The following FBXL17 variants were observed in gnomAD, a reference collection of about 807,000 sequenced individuals.
FBXL17 encodes F-box and leucine rich repeat protein 17.
In FBXL17, 22 loss-of-function variants were observed where a neutral mutation model predicts 66.2. That is an observed-to-expected ratio of 0.33 (90% CI 0.24 to 0.47). The LOEUF (loss-of-function observed/expected upper bound fraction) is 0.47, where lower values mean the gene tolerates loss of function less well. FBXL17 is among the 20% of genes least tolerant of loss of function. The pLI is 1.00. For synonymous variants in FBXL17, 474 were observed against 400.5 expected, an observed-to-expected ratio of 1.18 and a Z score of -2.19; for missense variants, 878 against 948.2, an observed-to-expected ratio of 0.93 and a Z score of 0.97.
rs1038323604 is a variant in FBXL17, at chr5:108,145,905, C to T, written c.1745+40212G>A. On this transcript the variant is annotated intron_variant, in intron 6 of 8. Coordinates refer to ENST00000542267, the MANE Select transcript of FBXL17 (RefSeq NM_001163315.3). The stretch of plus-strand genomic sequence containing the variant: ...GACACTGAGAGAGAAATGCACAAGA[C>T]GGCAGTGATCATAAGATATTAAGAC... 2.6e-5 allele frequency among the ~76,000 whole-genome samples: 4 copies of T among 151,548 alleles called. No individual in the cohort carries two copies. In the South Asian group the frequency reaches 6.2e-4, roughly 24 times the overall value.
At chr5:108,159,185 T>C (rs1752113047) in intron 6 of FBXL17, among the ~76,000 whole-genome samples, 1 of 152,214 alleles carries the variant, frequency 6.6e-6, no homozygotes, top group South Asian at 2.1e-4. Context: ...AAGATGTAGG[T>C]ATTTTCTCAT....
rs568480689 is a variant in FBXL17, at chr5:107,874,338, T to C, written c.1965+6699A>G. ...ACCAGATACAAGATTCCAGAGCAGGTATGTATATGTGAATAAATATAATGA... is the reference window on the plus strand; with the variant it reads ...ACCAGATACAAGATTCCAGAGCAGGCATGTATATGTGAATAAATATAATGA... On this transcript the variant is annotated intron_variant, in intron 8 of 8. Coordinates refer to ENST00000542267, the MANE Select transcript of FBXL17 (RefSeq NM_001163315.3). 5.6e-4 allele frequency among the ~76,000 whole-genome samples: 86 copies of C among 152,312 alleles called. 2 individuals are homozygous for C. Among genetic ancestry groups the C allele is most frequent in the African/African-American group, 1.7e-3 (72 of 41,556 alleles).
chr5:107,942,461 A>G (rs1225720918), intron 7 of FBXL17, among the ~76,000 whole-genome samples: 1 of 152,170 alleles, frequency 6.6e-6, no homozygotes, highest in Non-Finnish European at 1.5e-5. Context: ...ACTACTGATG[A>G]CACACCTATC....
At chr5:108,207,143 C>T (rs1296777978) in intron 5 of FBXL17, among the ~76,000 whole-genome samples, 3 of 152,016 alleles carry the variant, frequency 2.0e-5, no homozygotes, top group Non-Finnish European at 4.4e-5. Flanking sequence ...TGTGGTCTCC[C>T]CGACCCCCTC....
At chr5:107,863,043 T>C (rs1025291230) in intron 8 of FBXL17, among the ~76,000 whole-genome samples, 1 of 151,558 alleles carries the variant, frequency 6.6e-6, no homozygotes, top group Non-Finnish European at 1.5e-5. Context: ...TGCGTTTAAG[T>C]GAACTTTTAT....
At chr5:108,017,284 T>A (rs1754424000) in intron 7 of FBXL17, among the ~76,000 whole-genome samples, 1 of 152,206 alleles carries the variant, frequency 6.6e-6, no homozygotes, top group South Asian at 2.1e-4. Flanking sequence ...TTGCTGTATC[T>A]TTTTCTATTG....
intron 7 of FBXL17, among the ~76,000 whole-genome samples, chr5:107,898,359 G>T (rs1233798523): frequency 6.6e-6 from 1 of 151,936 alleles, no homozygotes; most frequent in African/African-American, 2.4e-5. Flanking sequence ...TTCCTCCTCT[G>T]CCACCCCTGA....
At chr5:107,968,198 A>G (rs576427492) in intron 7 of FBXL17, among the ~76,000 whole-genome samples, 18 of 152,294 alleles carry the variant, frequency 1.2e-4, no homozygotes, top group Non-Finnish European at 2.5e-4. Flanking sequence ...CCCTATTTTC[A>G]GATGAAGAGC....
chr5:108,341,745 C>T (rs953472657), intron 4 of FBXL17, among the ~76,000 whole-genome samples: 3 of 152,118 alleles, frequency 2.0e-5, no homozygotes, highest in Non-Finnish European at 4.4e-5. Context: ...TACTACCTAG[C>T]CTATCAACCT....
At position 108,380,968 on chromosome 5, in the gene FBXL17, G is replaced by T; in HGVS notation, c.724C>A (p.Pro242Thr). Residue 242 changes from proline (P) to threonine (T), a missense_variant, in exon 1 of 9, where the codon CCC becomes ACC. By Grantham distance (38) the Pro-to-Thr change is conservative. This residue lies in a region of FBXL17 where 605 missense variants were observed against 509.5 expected (regional missense o/e 1.19). Coordinates refer to ENST00000542267, the MANE Select transcript of FBXL17 (RefSeq NM_001163315.3). ...GCCTGGCAGCAGCCGGCGTCGGGGG[G>T]CCGGGGCGGCGAAGCGCCTCCCCCC... ...PAGGGASPPRPPDAGCCQAPE... is the reference protein window; with the variant it reads ...PAGGGASPPRTPDAGCCQAPE... 1 of 1,219,362 alleles carries T rather than the reference G, an allele frequency of 8.2e-7. No individual in the cohort carries two copies. Among genetic ancestry groups the T allele is most frequent in the Non-Finnish European group, 1.0e-6 (1 of 979,312 alleles). The allele number at this position is 1,219,362 out of a possible 1,614,324, so 75.5% of individuals were successfully genotyped here.
intron 6 of FBXL17, among the ~76,000 whole-genome samples, chr5:108,150,208 C>T (rs978882582): frequency 1.3e-5 from 2 of 152,040 alleles, no homozygotes; most frequent in African/African-American, 4.8e-5. Context: ...ATTATCATAC[C>T]CAAGAAATTT....
chr5:108,269,831 G>T (rs1757194165), intron 4 of FBXL17, among the ~76,000 whole-genome samples: 1 of 152,016 alleles, frequency 6.6e-6, no homozygotes, highest in Non-Finnish European at 1.5e-5. Context: ...TTAGACGAGG[G>T]TTTGTTTTCT....
intron 6 of FBXL17, among the ~76,000 whole-genome samples, chr5:108,067,417 C>T (rs762193614): frequency 6.6e-6 from 1 of 152,012 alleles, no homozygotes; most frequent in South Asian, 2.1e-4. Context: ...AAAAACACTC[C>T]TAAAGTTAAA....
At chr5:108,091,175 G>A (rs952577559) in intron 6 of FBXL17, among the ~76,000 whole-genome samples, 5 of 152,178 alleles carry the variant, frequency 3.3e-5, no homozygotes, top group Non-Finnish European at 7.4e-5. Flanking sequence ...ACAATATGCA[G>A]CCTGAACAAA....
intron 5 of FBXL17, among the ~76,000 whole-genome samples, chr5:108,191,451 A>C (rs1383730758): frequency 6.6e-6 from 1 of 152,240 alleles, no homozygotes; most frequent in Non-Finnish European, 1.5e-5. Flanking sequence ...ATCACATATC[A>C]ACAAGAAGAT....
chr5:107,934,215 T>A (rs1369699337), intron 7 of FBXL17, among the ~76,000 whole-genome samples: 1 of 152,152 alleles, frequency 6.6e-6, no homozygotes, highest in Admixed American at 6.6e-5. Context: ...AATCTAAAAG[T>A]AAAGTTTGAC....
chr5:108,234,008 A>T (rs1755485471), intron 4 of FBXL17, among the ~76,000 whole-genome samples: 1 of 152,134 alleles, frequency 6.6e-6, no homozygotes, highest in African/African-American at 2.4e-5. Flanking sequence ...GGTGGAAATA[A>T]TAGGCTTAGA....
chr5:107,938,112 C>A (rs550668557), intron 7 of FBXL17, among the ~76,000 whole-genome samples: 4 of 152,208 alleles, frequency 2.6e-5, no homozygotes, highest in South Asian at 2.1e-4. Context: ...AGCTTGAAGA[C>A]GTGCACTTGA....
chr5:108,177,932 T>TATATATATATATATATATACACAC (rs1242739302), intron 6 of FBXL17, among the ~76,000 whole-genome samples: 3 of 126,830 alleles, frequency 2.4e-5, no homozygotes, highest in Admixed American at 8.5e-5. Flanking sequence ...TATATATATA[T>TATATATATATATATATATACACAC]ACACACACAC....
Sources: gnomAD v4.1 joint callset for allele counts (sites outside exome capture counted in the v4.1 genomes callset) on GRCh38, gnomAD v4.1.1 for gene constraint, gnomAD v4.1.1 regional missense constraint, MANE v1.5 for transcripts, NCBI Gene and HGNC (gene_info 2026-07-23, HGNC 2026-07-21) for gene names.